CNTN4: variants seen among roughly 807,000 people sequenced by gnomAD.
CNTN4 encodes the protein contactin 4, also known as contactin-4.
Under a neutral mutation model 122.5 loss-of-function variants are expected in CNTN4, and 77 were observed. The ratio of observed to expected loss-of-function variants is 0.63; its 90% confidence interval spans 0.52 to 0.76. The LOEUF (loss-of-function observed/expected upper bound fraction) is 0.76. Among genes scored for constraint, CNTN4 ranks in the 30% least tolerant of loss-of-function variants. The probability of loss-of-function intolerance (pLI) is 0.00; values close to 1 mark genes in which losing one functional copy is unlikely to be tolerated. For missense variants in CNTN4, 1,256 were observed against 1,259.1 expected, an observed-to-expected ratio of 1.00 and a Z score of 0.04; for synonymous variants, 512 against 447.0, an observed-to-expected ratio of 1.15 and a Z score of -1.83.
chr3:2,661,809 C>CA (rs544079802), intron 4 of CNTN4, among the ~76,000 whole-genome samples: 2,095 of 77,694 alleles, frequency 0.027, 49 homozygotes, highest in East Asian at 0.052. Flanking sequence ...AATTCCATCT[C>CA]AAAAAAAAAA....
At chr3:2,651,449 C>T (rs915607943) in intron 4 of CNTN4, among the ~76,000 whole-genome samples, 2 of 152,156 alleles carry the variant, frequency 1.3e-5, no homozygotes, top group Non-Finnish European at 2.9e-5. Flanking sequence ...ATGGAACCTA[C>T]AAGACAAGCA....
At chr3:2,519,615 G>A (rs1461350027) in intron 3 of CNTN4, among the ~76,000 whole-genome samples, 1 of 152,220 alleles carries the variant, frequency 6.6e-6, no homozygotes, top group Non-Finnish European at 1.5e-5. Flanking sequence ...CACACGAAGT[G>A]TGAGGTGGAC....
At chr3:2,756,577 G>A (rs777532384) in intron 6 of CNTN4, among the ~76,000 whole-genome samples, 1 of 152,220 alleles carries the variant, frequency 6.6e-6, no homozygotes, top group South Asian at 2.1e-4. Flanking sequence ...CCTGGAAACT[G>A]TGAAAGTGAC....
chr3:2,636,220 C>A (rs1439204930), intron 4 of CNTN4, among the ~76,000 whole-genome samples: 1 of 152,172 alleles, frequency 6.6e-6, no homozygotes, highest in African/African-American at 2.4e-5. Flanking sequence ...AAGCTTCCAC[C>A]ACCTATTAGG....
chr3:2,937,791 C>T (rs2094579549), intron 13 of CNTN4, among the ~76,000 whole-genome samples: 1 of 152,132 alleles, frequency 6.6e-6, no homozygotes, highest in African/African-American at 2.4e-5. Context: ...AAATCGACTT[C>T]CAACAGGAAG....
At chr3:2,202,588 A>G (rs1270221614) in intron 2 of CNTN4, among the ~76,000 whole-genome samples, 1 of 152,174 alleles carries the variant, frequency 6.6e-6, no homozygotes, top group Non-Finnish European at 1.5e-5. Flanking sequence ...GTGTTTGTGC[A>G]TCACTGATAA....
chr3:2,725,837 A>C (rs191869567), intron 4 of CNTN4, among the ~76,000 whole-genome samples: 30 of 152,354 alleles, frequency 2.0e-4, no homozygotes, highest in African/African-American at 7.0e-4. Context: ...GAGAAATGTC[A>C]AAAAGAAATA....
intron 4 of CNTN4, among the ~76,000 whole-genome samples, chr3:2,581,270 C>T (rs1349717976): frequency 6.6e-6 from 1 of 152,074 alleles, no homozygotes; most frequent in Non-Finnish European, 1.5e-5. Flanking sequence ...TAAAGCTATA[C>T]CTTAAGTACT....
intron 2 of CNTN4, among the ~76,000 whole-genome samples, chr3:2,274,214 C>T (rs981144817): frequency 1.3e-5 from 2 of 152,058 alleles, no homozygotes; most frequent in Non-Finnish European, 2.9e-5. Flanking sequence ...GAAAACCTGT[C>T]TCTACTAAAA....
intron 6 of CNTN4, among the ~76,000 whole-genome samples, chr3:2,757,645 A>G (rs943368835): frequency 6.6e-6 from 1 of 152,216 alleles, no homozygotes; most frequent in African/African-American, 2.4e-5. Context: ...TAACATAAAC[A>G]AGGCATTTGC....
chr3:2,191,821 C>T (rs1447159507), intron 2 of CNTN4, among the ~76,000 whole-genome samples: 1 of 151,992 alleles, frequency 6.6e-6, no homozygotes, highest in Non-Finnish European at 1.5e-5. Flanking sequence ...TGTTGGTGTG[C>T]TGCACCCATT....
At chr3:2,443,856 C>T (rs1559557245) in intron 3 of CNTN4, among the ~76,000 whole-genome samples, 1 of 152,016 alleles carries the variant, frequency 6.6e-6, no homozygotes, top group East Asian at 1.9e-4. Context: ...CTTTACTATC[C>T]AGCTGATTTT....
chr3:2,840,136 G>A (rs917264576), intron 7 of CNTN4, among the ~76,000 whole-genome samples: 9 of 152,052 alleles, frequency 5.9e-5, no homozygotes, highest in African/African-American at 2.2e-4. Context: ...GTGTTCATTT[G>A]CAGTCCTTCC....
intron 7 of CNTN4, among the ~76,000 whole-genome samples, chr3:2,853,137 T>C (rs929026023): frequency 6.6e-6 from 1 of 152,044 alleles, no homozygotes; most frequent in Non-Finnish European, 1.5e-5. Flanking sequence ...CAAGGGTTTA[T>C]ATTATATTAA....
chr3:2,807,957 T>C (rs1160109173), intron 6 of CNTN4, among the ~76,000 whole-genome samples: 4 of 152,186 alleles, frequency 2.6e-5, no homozygotes, highest in Admixed American at 2.6e-4. Flanking sequence ...TGAACATCGA[T>C]CTAGTTTCAT....
intron 2 of CNTN4, among the ~76,000 whole-genome samples, chr3:2,280,046 C>G (rs1344126431): frequency 6.8e-6 from 1 of 148,020 alleles, no homozygotes; most frequent in Non-Finnish European, 1.5e-5. Flanking sequence ...TTATGACCTA[C>G]AAGTATTCTT....
rs4585181 is a variant in CNTN4, at chr3:2,709,829, C to T, written c.56-26386C>T. 0.075 allele frequency among the ~76,000 whole-genome samples: 11,355 copies of T among 151,772 alleles called. 579 individuals carry two copies. The highest frequency in any genetic ancestry group is 0.11 in the Non-Finnish European group (7,452 of 67,868). The stretch of plus-strand genomic sequence containing the variant: ...CTTGGGAGGCTGAGCCAGGAGAGCC[C>T]GGGAGTCCAGCAGTGAGCTGAGACT... On this transcript the variant is annotated intron_variant, in intron 4 of 24. Transcript: ENST00000418658. This position sits in a 1 kb window ranked among gnomAD's most constrained non-coding sequence, Gnocchi z 5.0.
intron 6 of CNTN4, among the ~76,000 whole-genome samples, chr3:2,751,217 A>C (rs1051256184): frequency 2.0e-5 from 3 of 152,134 alleles, no homozygotes; most frequent in Non-Finnish European, 4.4e-5. Flanking sequence ...CTGAGGCAGG[A>C]GAATGGCTTG....
At chr3:2,772,003 T>C (rs2091124035) in intron 6 of CNTN4, among the ~76,000 whole-genome samples, 1 of 152,152 alleles carries the variant, frequency 6.6e-6, no homozygotes, top group African/African-American at 2.4e-5. Context: ...AAACATTCCA[T>C]GTTTCAAGGT....
Sources: gnomAD v4.1 joint callset for allele counts (sites outside exome capture counted in the v4.1 genomes callset) on GRCh38, gnomAD v4.1.1 for gene constraint, Gnocchi (gnomAD v3.1) non-coding constraint, MANE v1.5 for transcripts, NCBI Gene and HGNC (gene_info 2026-07-23, HGNC 2026-07-21) for gene names.